The following OR1J2 variants were observed in gnomAD, a reference collection of about 807,000 sequenced individuals.
The protein encoded by OR1J2 is olfactory receptor 1J2.
For synonymous variants in OR1J2, 142 were observed against 99.7 expected, an observed-to-expected ratio of 1.42 and a Z score of -2.52; for missense variants, 304 against 246.1, an observed-to-expected ratio of 1.24 and a Z score of -1.57.
chr9:122,511,604 T>TGGG lies in OR1J2; in HGVS notation c.803_804insGGG (p.Ile268delinsMetGly), dbSNP rs1564183829. 1 of 781,100 alleles carries TGGG rather than the reference T, an allele frequency of 1.3e-6. No homozygotes were observed. The highest frequency in any genetic ancestry group is 2.4e-6 in the Non-Finnish European group (1 of 418,134). 48.4% of individuals were successfully genotyped at this position (781,100 alleles called of 1,614,324 possible). On this transcript the variant is annotated protein_altering_variant, in exon 1 of 1. Coordinates refer to ENST00000335302, the MANE Select transcript of OR1J2 (RefSeq NM_054107.1). ...CTTTTCCCGACTGTAAGCAGTTCTA[T>TGGG]TGACAAGGATGTCATTGTGGCTCTC...
At chr9:122,536,282 C>T in the OR1J2 span, among the ~76,000 whole-genome samples, 1 of 152,206 alleles carries the variant, frequency 6.6e-6, no homozygotes. Flanking sequence ...AAACAAAAAA[C>T]TCACAAGCTG....
chr9:122,484,626 A>G, the OR1J2 span, among the ~76,000 whole-genome samples: 1 of 152,184 alleles, frequency 6.6e-6, no homozygotes. Context: ...CACAGAATCC[A>G]TGCTCTGAAA....
chr9:122,460,177 G>A, the OR1J2 span, among the ~76,000 whole-genome samples: 14 of 38,692 alleles, frequency 3.6e-4, no homozygotes, highest in African/African-American at 2.3e-3. Context: ...GTGTGTGTGT[G>A]TGTGTATATA....
the OR1J2 span, among the ~76,000 whole-genome samples, chr9:122,537,404 T>C: frequency 6.6e-6 from 1 of 152,218 alleles, no homozygotes; most frequent in African/African-American, 2.4e-5. Flanking sequence ...TGGGTTAACT[T>C]TCTTGCTGTT....
At chr9:122,555,461 G>T in the OR1J2 span, among the ~76,000 whole-genome samples, 1 of 152,150 alleles carries the variant, frequency 6.6e-6, no homozygotes, top group Non-Finnish European at 1.5e-5. Flanking sequence ...GCAATTTCTA[G>T]TGCCAAGGCA....
At chr9:122,451,942 G>A in the OR1J2 span, among the ~76,000 whole-genome samples, 5 of 152,124 alleles carry the variant, frequency 3.3e-5, no homozygotes, top group South Asian at 2.1e-4. Flanking sequence ...GCAGTAGTGC[G>A]GTGTTGGCTC....
chr9:122,467,032 C>T, the OR1J2 span, among the ~76,000 whole-genome samples: 1 of 151,996 alleles, frequency 6.6e-6, no homozygotes, highest in African/African-American at 2.4e-5. Context: ...TGTTGGGCTT[C>T]AAACAACTGG....
chr9:122,449,898 G>GA, the OR1J2 span, among the ~76,000 whole-genome samples: 1 of 151,880 alleles, frequency 6.6e-6, no homozygotes, highest in Non-Finnish European at 1.5e-5. Context: ...TCTTGAGGCT[G>GA]AAAAAAAGAT....
rs1828633433 is a variant in OR1J2 at position 122,511,392 on chromosome 9, G to T, written c.591G>T (p.Leu197=). The T allele has an allele frequency of 8.0e-6, 6 of 754,546 alleles. No homozygotes were observed. In the East Asian group the frequency reaches 1.5e-4, roughly 18 times the overall value. The allele number at this position is 754,546 out of a possible 1,614,324, so 46.7% of individuals were successfully genotyped here. The change falls in exon 1 of 1, where the codon CTG becomes CTT. Residue 197 remains leucine, a synonymous_variant. Coordinates refer to ENST00000335302, the MANE Select transcript of OR1J2 (RefSeq NM_054107.1). ...GCTCAGATATCTTCCTCAATGAGCT[G>T]GTCATGTTCACAGTAGGGGTGGTGG... is the stretch of plus-strand genomic sequence containing the variant. ...LSCSDIFLNE[L]VMFTVGVVVI...
At chr9:122,550,154 G>T in the OR1J2 span, among the ~76,000 whole-genome samples, 1 of 152,058 alleles carries the variant, frequency 6.6e-6, no homozygotes, top group African/African-American at 2.4e-5. Flanking sequence ...AAAACCTTGA[G>T]GAAATGGATA....
the OR1J2 span, among the ~76,000 whole-genome samples, chr9:122,451,273 C>T: frequency 2.6e-5 from 4 of 151,706 alleles, no homozygotes; most frequent in African/African-American, 7.3e-5. Flanking sequence ...GCAACCTACA[C>T]CACCCGGGTT....
At chr9:122,519,036 A>C in the OR1J2 span, 1 of 752,568 alleles carries the variant, frequency 1.3e-6, no homozygotes, top group African/African-American at 1.7e-5. Context: ...TGGCATATTC[A>C]TCAGTAGCAA....
At chr9:122,531,815 C>T in the OR1J2 span, among the ~76,000 whole-genome samples, 645 of 152,220 alleles carry the variant, frequency 4.2e-3, 5 homozygotes, top group African/African-American at 0.015. Flanking sequence ...AAGGCCAAAC[C>T]GAGGAATTAT....
At chr9:122,561,601 C>T in the OR1J2 span, among the ~76,000 whole-genome samples, 11 of 151,998 alleles carry the variant, frequency 7.2e-5, no homozygotes, top group Non-Finnish European at 1.6e-4. Context: ...TTCTGTAGGG[C>T]TGCTGTGGTT....
At chr9:122,551,768 T>C in the OR1J2 span, among the ~76,000 whole-genome samples, 9 of 151,924 alleles carry the variant, frequency 5.9e-5, no homozygotes, top group African/African-American at 9.7e-5. Context: ...AACGAGCACA[T>C]TGGGAGATGG....
chr9:122,484,897 G>T, the OR1J2 span, among the ~76,000 whole-genome samples: 1 of 152,180 alleles, frequency 6.6e-6, no homozygotes, highest in South Asian at 2.1e-4. Context: ...AGCCAGGAAT[G>T]GTGGTATGCG....
chr9:122,562,360 C>T, the OR1J2 span, among the ~76,000 whole-genome samples: 1 of 152,244 alleles, frequency 6.6e-6, no homozygotes, highest in Admixed American at 6.5e-5. Flanking sequence ...CAACTCCTCC[C>T]AGGAAGTCAG....
At chr9:122,542,832 G>GTT in the OR1J2 span, among the ~76,000 whole-genome samples, 2 of 152,170 alleles carry the variant, frequency 1.3e-5, no homozygotes, top group Non-Finnish European at 2.9e-5. Context: ...TGTAGATTAA[G>GTT]TTTGCTTTTC....
the OR1J2 span, among the ~76,000 whole-genome samples, chr9:122,559,504 C>T: frequency 6.6e-6 from 1 of 152,070 alleles, no homozygotes; most frequent in East Asian, 1.9e-4. Flanking sequence ...AGCTGTGTCC[C>T]AGAGATTCTG....
Sources: gnomAD v4.1 joint callset for allele counts (sites outside exome capture counted in the v4.1 genomes callset) on GRCh38, gnomAD v4.1.1 for gene constraint, MANE v1.5 for transcripts, NCBI Gene and HGNC (gene_info 2026-07-23, HGNC 2026-07-21) for gene names.